IRGQ: variants seen among roughly 807,000 people sequenced by gnomAD.
IRGQ encodes the protein immunity related GTPase Q.
Under a neutral mutation model 10.5 loss-of-function variants are expected in IRGQ, and 5 were observed. That is an observed-to-expected ratio of 0.48 (90% CI 0.25 to 1.00). IRGQ has a LOEUF of 1.00. IRGQ is among the 50% of genes least tolerant of loss of function. IRGQ has a pLI of 0.16. For synonymous variants in IRGQ, 418 were observed against 426.0 expected (o/e 0.98, Z 0.23); for missense variants, 792 against 877.7 (o/e 0.90, Z 1.23).
At position 43,590,367 on chromosome 19, in the gene IRGQ, C is replaced by T. The variant is rs187378882; in HGVS notation, c.*1659G>A. On this transcript the variant is annotated 3_prime_UTR_variant, in exon 3 of 3. Coordinates refer to ENST00000422989, the MANE Select transcript of IRGQ (RefSeq NM_001007561.3). ...CTGTCTACGACAAAAGGGATTCTAT[C>T]GCTTGGATTCTCAGATCCTCCTTTT... 3.9e-5 allele frequency: 6 copies of T among 152,362 alleles called. No individual in the cohort carries two copies. The highest frequency in any genetic ancestry group is 1.2e-4 in the African/African-American group (5 of 41,576). The allele number at this position is 152,362 out of a possible 1,614,324, so 9.4% of individuals were successfully genotyped here.
Position 43,586,470 on chromosome 19 carries a change from C to G in IRGQ, c.*5556G>C, listed in dbSNP as rs1972995508. ...ACCAGCACTCCTCTATGGGCACAGA[C>G]ACACACACAAAATTGTCTTGCTTTC... On this transcript the variant is annotated 3_prime_UTR_variant, in exon 3 of 3. Coordinates refer to ENST00000422989, the MANE Select transcript of IRGQ (RefSeq NM_001007561.3). 1 of 152,204 alleles carries G rather than the reference C, an allele frequency of 6.6e-6. No individual in the cohort carries two copies. Among genetic ancestry groups the G allele is most frequent in the African/African-American group, 2.4e-5 (1 of 41,438 alleles). 9.4% of individuals were successfully genotyped at this position (152,204 alleles called of 1,614,324 possible). A position where few individuals can be genotyped will look rare whatever the true frequency, so the allele number is the denominator to read the frequency against.
rs1284612024 is a variant in IRGQ, at chr19:43,592,176, C to G, written c.1722G>C (p.Leu574=). The G allele has an allele frequency of 6.2e-7, 1 of 1,604,466 alleles. No individual in the cohort carries two copies. The highest frequency in any genetic ancestry group is 1.3e-5 in the African/African-American group (1 of 74,832). The change falls in exon 3 of 3, where the codon CTG becomes CTC. Residue 574 remains leucine, a synonymous_variant. Transcript: ENST00000422989. ...CAGGCCACAGGAAGGAGAGAGCCCC[C>G]AGTGCTGCGCCCCCAGCAGTGCCCT... The part of the protein sequence containing the change: ...AGEGTAGGAA[L]GALSFLWPAG...
At chr19:43,594,761 G>A (rs1381704478) in intron 2 of IRGQ, 48 bp downstream of exon 2, 3 of 1,534,310 alleles carry the variant, frequency 2.0e-6, no homozygotes, top group Non-Finnish European at 2.6e-6. Context: ...TCGCACCTAG[G>A]TGCCTAGGGT....
rs982709499 is a variant in IRGQ, at chr19:43,586,008, C to T, written c.*6018G>A. 5.3e-5 allele frequency: 8 copies of T among 152,248 alleles called. No individual in the cohort carries two copies. The highest frequency in any genetic ancestry group is 1.7e-4 in the African/African-American group (7 of 41,448). 9.4% of individuals were successfully genotyped at this position (152,248 alleles called of 1,614,324 possible). ...CCAACCACACCCTTGATGTGTCCTTCATGGTTCCCCACTGCAGTGGACACA... is the reference window on the plus strand; with the variant it reads ...CCAACCACACCCTTGATGTGTCCTTTATGGTTCCCCACTGCAGTGGACACA... On this transcript the variant is annotated 3_prime_UTR_variant, in exon 3 of 3. Coordinates refer to ENST00000422989, the MANE Select transcript of IRGQ (RefSeq NM_001007561.3).
rs1271357618 is a variant in IRGQ at position 43,588,828 on chromosome 19, G to A, written c.*3198C>T. On this transcript the variant is annotated 3_prime_UTR_variant, in exon 3 of 3. Transcript: ENST00000422989. ...ACGTGGCTGACATGCCTGATTGCAG[G>A]GCTTAGACACTAATATGATGGGGTA... The A allele has an allele frequency of 1.3e-5, 2 of 152,264 alleles. No homozygotes were observed. The highest frequency in any genetic ancestry group is 2.9e-5 in the Non-Finnish European group (2 of 68,054). 9.4% of individuals were successfully genotyped at this position (152,264 alleles called of 1,614,324 possible). A position where few individuals can be genotyped will look rare whatever the true frequency, so the allele number is the denominator to read the frequency against.
At position 43,592,834 on chromosome 19, in the gene IRGQ, T is replaced by C. The variant is rs774288491; in HGVS notation, c.1064A>G (p.Lys355Arg). 1.2e-6 allele frequency: 2 copies of C among 1,614,042 alleles called. No homozygotes were observed. Among genetic ancestry groups the C allele is most frequent in the South Asian group, 2.2e-5 (2 of 91,086 alleles). Reference sequence around the variant, plus strand: ...CTCCAATCCCCCTCCACCTGCGTTCTTTAAGCTCTCGCCCTTGGGATTCTC... The same window carrying C: ...CTCCAATCCCCCTCCACCTGCGTTCCTTAAGCTCTCGCCCTTGGGATTCTC... ...KMENPKGESLKNAGGGGLENA... is the reference protein window; with the variant it reads ...KMENPKGESLRNAGGGGLENA... The change falls in exon 3 of 3, where the codon AAG (lysine) becomes AGG (arginine). Residue 355 changes from lysine (K) to arginine (R), a missense_variant. Physicochemically the swap from Lys to Arg is conservative, Grantham distance 26. Coordinates refer to ENST00000422989, the MANE Select transcript of IRGQ (RefSeq NM_001007561.3).
rs746931911 is a variant in IRGQ, at chr19:43,593,183, C to A, written c.715G>T (p.Val239Leu). 2.5e-5 allele frequency: 39 copies of A among 1,565,642 alleles called. 1 individual carries two copies. The highest frequency in any genetic ancestry group is 3.2e-5 in the Non-Finnish European group (37 of 1,153,482). Residue 239 changes from valine to leucine, a missense_variant, in exon 3 of 3, where the codon GTG becomes TTG. Transcript: ENST00000422989. This position sits in a 1 kb window ranked among gnomAD's most constrained non-coding sequence, Gnocchi z 6.4. ...VAGKADVGLV[V>L]DMLLGLDPGD... Reference sequence around the variant, plus strand: ...GGATCCAATCCAAGCAGCATGTCCACCACAAGGCCCACGTCAGCCTTGCCA... The same window carrying A: ...GGATCCAATCCAAGCAGCATGTCCAACACAAGGCCCACGTCAGCCTTGCCA...
Position 43,595,248 on chromosome 19 carries a change from C to T in IRGQ, c.91G>A (p.Asp31Asn), listed in dbSNP as rs1314561235. The change falls in exon 2 of 3, where the codon GAT (aspartate) becomes AAT (asparagine). Residue 31 changes from aspartate to asparagine, a missense_variant. Coordinates refer to ENST00000422989, the MANE Select transcript of IRGQ (RefSeq NM_001007561.3). ...SALIAALCDKDVETLEAPEGR... is the reference protein window; with the variant it reads ...SALIAALCDKNVETLEAPEGR... ...TCGGGGGCCTCGAGCGTCTCCACAT[C>T]CTTGTCGCACAGCGCTGCGATCAGC... 1 of 1,612,330 alleles carries T rather than the reference C, an allele frequency of 6.2e-7. No individual in the cohort carries two copies. Among genetic ancestry groups the T allele is most frequent in the Non-Finnish European group, 8.5e-7 (1 of 1,179,700 alleles).
chr19:43,592,110 C>T lies in IRGQ; in HGVS notation c.1788G>A (p.Ala596=), dbSNP rs749463187. 3 of 1,612,276 alleles carry T rather than the reference C, an allele frequency of 1.9e-6. No homozygotes were observed. Among genetic ancestry groups the T allele is most frequent in the East Asian group, 2.2e-5 (1 of 44,870 alleles). Residue 596 remains alanine (A), a synonymous_variant, in exon 3 of 3, where the codon GCG becomes GCA. Transcript: ENST00000422989. ...GAGCCTGCAGCAGGACGCCGTGAGC[C>T]GCTCGGTAGCCCAGGCCACCTGTCG... ...AAATGGLGYR[A]AHGVLLQALD...
In IRGQ at chr19:43,588,217, A is replaced by T. The variant is rs915738742; in HGVS notation, c.*3809T>A. 1 of 151,878 alleles carries T rather than the reference A, an allele frequency of 6.6e-6. No individual in the cohort carries two copies. Among genetic ancestry groups the T allele is most frequent in the African/African-American group, 2.4e-5 (1 of 41,302 alleles). The allele number at this position is 151,878 out of a possible 1,614,324, so 9.4% of individuals were successfully genotyped here. Reference sequence around the variant, plus strand: ...GAGGCTGAGGCCGGTGGATCACCTGAGGTCAGGAGTTCAAGACCAGCCTGG... The same window carrying T: ...GAGGCTGAGGCCGGTGGATCACCTGTGGTCAGGAGTTCAAGACCAGCCTGG... On this transcript the variant is annotated 3_prime_UTR_variant, in exon 3 of 3. Transcript: ENST00000422989.
Position 43,592,681 on chromosome 19 carries a change from C to T in IRGQ, c.1217G>A (p.Gly406Asp). Reference sequence around the variant, plus strand: ...TAACGCAGCGGCCCGCTCTGAGTCGCCACCACCTGATTTCTTCATGCCGAC... The same window carrying T: ...TAACGCAGCGGCCCGCTCTGAGTCGTCACCACCTGATTTCTTCATGCCGAC... ...QVVGMKKSGGGDSERAAALSP... is the reference protein window; with the variant it reads ...QVVGMKKSGGDDSERAAALSP... The change falls in exon 3 of 3, where the codon GGC becomes GAC. Residue 406 changes from glycine to aspartate, a missense_variant. Coordinates refer to ENST00000422989, the MANE Select transcript of IRGQ (RefSeq NM_001007561.3). 1.2e-6 allele frequency: 2 copies of T among 1,607,596 alleles called. No individual in the cohort carries two copies. Among genetic ancestry groups the T allele is most frequent in the African/African-American group, 1.3e-5 (1 of 75,050 alleles).
rs1973010705 is a variant in IRGQ, at chr19:43,587,825, G to T, written c.*4201C>A. 4.0e-5 allele frequency: 6 copies of T among 151,502 alleles called. No individual in the cohort carries two copies. The highest frequency in any genetic ancestry group is 4.0e-4 in the Admixed American group (6 of 15,188). 9.4% of individuals were successfully genotyped at this position (151,502 alleles called of 1,614,324 possible). The stretch of plus-strand genomic sequence containing the variant: ...GGAGGCTGAGGCAGGAGAATCACTT[G>T]AACCTGGAAGGTGGAGGTTGCAGTG... On this transcript the variant is annotated 3_prime_UTR_variant, in exon 3 of 3. Transcript: ENST00000422989.
chr19:43,594,699 G>T, intron 2 of IRGQ, 110 bp downstream of exon 2: 1 of 851,102 alleles, frequency 1.2e-6, no homozygotes, highest in South Asian at 1.7e-5. Flanking sequence ...TAATAATAGA[G>T]CTAAGCCTTG....
In IRGQ at chr19:43,593,698, C is replaced by T. The variant is rs558040386; in HGVS notation, c.531-331G>A. Among the ~76,000 whole-genome samples, 1 of 152,226 alleles carries T rather than the reference C, an allele frequency of 6.6e-6. No individual in the cohort carries two copies. The highest frequency in any genetic ancestry group is 1.9e-4 in the East Asian group (1 of 5,182). On this transcript the variant is annotated intron_variant, in intron 2 of 2. Transcript: ENST00000422989. The surrounding 1 kb of genome is among the most constrained non-coding windows in gnomAD (Gnocchi z 6.4). ...GGGGTTTTTCCAAGGGTCGGCTGTG[C>T]TGGGTGGGACAAAGCTCACAGAGGG... is the stretch of plus-strand genomic sequence containing the variant.
In IRGQ at chr19:43,585,922, GAACA is replaced by G. The variant is rs1972990385; in HGVS notation, c.*6100_*6103del. 5 of 152,062 alleles carry G rather than the reference GAACA, an allele frequency of 3.3e-5. No homozygotes were observed. Among genetic ancestry groups the G allele is most frequent in the Admixed American group, 3.3e-4 (5 of 15,252 alleles). 9.4% of individuals were successfully genotyped at this position (152,062 alleles called of 1,614,324 possible). ...CTTTCTTTTCCCTCAAACTCCAAAA[GAACA>G]GACACGCAATAGGATTTCTATTCAT... On this transcript the variant is annotated 3_prime_UTR_variant, in exon 3 of 3. Transcript: ENST00000422989.
chr19:43,593,375 G>A lies in IRGQ; in HGVS notation c.531-8C>T, dbSNP rs550471546. ...TGCGCCGGTGGCAGGAGCCTGTGGGGACAAGAAGGGACAGGGTCAAAGGTA... is the reference window on the plus strand; with the variant it reads ...TGCGCCGGTGGCAGGAGCCTGTGGGAACAAGAAGGGACAGGGTCAAAGGTA... On this transcript the variant is annotated splice_region_variant and splice_polypyrimidine_tract_variant and intron_variant, in intron 2 of 2. Coordinates refer to ENST00000422989, the MANE Select transcript of IRGQ (RefSeq NM_001007561.3). This position sits in a 1 kb window ranked among gnomAD's most constrained non-coding sequence, Gnocchi z 6.4. 7 of 1,506,032 alleles carry A rather than the reference G, an allele frequency of 4.6e-6. No individual in the cohort carries two copies. The highest frequency in any genetic ancestry group is 1.8e-4 in the Middle Eastern group (1 of 5,590). The allele number at this position is 1,506,032 out of a possible 1,614,324, so 93.3% of individuals were successfully genotyped here. A position where few individuals can be genotyped will look rare whatever the true frequency, so the allele number is the denominator to read the frequency against.
rs542857588 is a variant in IRGQ at position 43,587,939 on chromosome 19, T to C, written c.*4087A>G. 6.6e-6 allele frequency: 1 copy of C among 151,884 alleles called. No individual in the cohort carries two copies. The highest frequency in any genetic ancestry group is 1.9e-4 in the East Asian group (1 of 5,160). The allele number at this position is 151,884 out of a possible 1,614,324, so 9.4% of individuals were successfully genotyped here. On this transcript the variant is annotated 3_prime_UTR_variant, in exon 3 of 3. Coordinates refer to ENST00000422989, the MANE Select transcript of IRGQ (RefSeq NM_001007561.3). The stretch of plus-strand genomic sequence containing the variant: ...AAAAAACTAAAAAACCGATGACATG[T>C]TGAAATGCTATTTTGGATACATTGG...
rs1972978884 is a variant in IRGQ at position 43,585,116 on chromosome 19, C to T, written c.*6910G>A. On this transcript the variant is annotated 3_prime_UTR_variant, in exon 3 of 3. Transcript: ENST00000422989. The stretch of plus-strand genomic sequence containing the variant: ...ATGAAATTCTTCCACCTTTGCCTCC[C>T]TAAGTGCTGGGATTATGGGTTTATA... 6.6e-6 allele frequency: 1 copy of T among 152,290 alleles called. No individual in the cohort carries two copies. The highest frequency in any genetic ancestry group is 2.4e-5 in the African/African-American group (1 of 41,432). 9.4% of individuals were successfully genotyped at this position (152,290 alleles called of 1,614,324 possible).
Position 43,589,711 on chromosome 19 carries a change from G to T in IRGQ, c.*2315C>A, listed in dbSNP as rs992909658. ...AGCCAATAAACAGGTAAATAAATAA[G>T]ATCATTTTTGACAGTAATAATTGCT... On this transcript the variant is annotated 3_prime_UTR_variant, in exon 3 of 3. Coordinates refer to ENST00000422989, the MANE Select transcript of IRGQ (RefSeq NM_001007561.3). 1 of 152,152 alleles carries T rather than the reference G, an allele frequency of 6.6e-6. No individual in the cohort carries two copies. The highest frequency in any genetic ancestry group is 1.9e-4 in the East Asian group (1 of 5,206). 9.4% of individuals were successfully genotyped at this position (152,152 alleles called of 1,614,324 possible). A position where few individuals can be genotyped will look rare whatever the true frequency, so the allele number is the denominator to read the frequency against.
Sources: allele counts gnomAD v4.1 joint callset (sites outside exome capture counted in the v4.1 genomes callset), GRCh38; gene constraint gnomAD v4.1.1; non-coding constraint Gnocchi (gnomAD v3.1); transcripts MANE v1.5; gene names NCBI Gene and HGNC (gene_info 2026-07-23, HGNC 2026-07-21).